The following SLC8A3 variants were observed in gnomAD, a reference collection of about 807,000 sequenced individuals.
SLC8A3 encodes the protein solute carrier family 8 member A3.
A neutral mutation model predicts 65.4 loss-of-function variants in SLC8A3; 37 were observed. That is an observed-to-expected ratio of 0.57 (90% CI 0.44 to 0.74). The LOEUF (loss-of-function observed/expected upper bound fraction) is 0.74. Among genes scored for constraint, SLC8A3 ranks in the 30% least tolerant of loss-of-function variants. SLC8A3 has a pLI of 0.00. For missense variants in SLC8A3, 1,112 were observed against 1,172.1 expected, an observed-to-expected ratio of 0.95 and a Z score of 0.75; for synonymous variants, 461 against 444.5, an observed-to-expected ratio of 1.04 and a Z score of -0.47.
chr14:70,088,134 T>A (rs370423297), intron 2 of SLC8A3, among the ~76,000 whole-genome samples: 2 of 152,300 alleles, frequency 1.3e-5, no homozygotes, highest in South Asian at 2.1e-4. Context: ...TTATGAATAC[T>A]GAGGCACTGA....
chr14:70,143,639 C>A (rs1594752720), intron 2 of SLC8A3, among the ~76,000 whole-genome samples: 2 of 152,258 alleles, frequency 1.3e-5, no homozygotes, highest in East Asian at 3.9e-4. Context: ...CCGGGTAATT[C>A]TCGGGAGAAG....
At chr14:70,050,960 A>T (rs1426981226) in intron 5 of SLC8A3, 48 bp downstream of exon 5, 3 of 1,236,312 alleles carry the variant, frequency 2.4e-6, no homozygotes, top group Non-Finnish European at 3.6e-6. Context: ...CTTCCTTCTC[A>T]GAGGTTGCCT....
At chr14:70,173,285 A>G (rs1163601451) in intron 1 of SLC8A3, among the ~76,000 whole-genome samples, 4 of 152,194 alleles carry the variant, frequency 2.6e-5, no homozygotes, top group African/African-American at 4.8e-5. Context: ...ACAGACAAGC[A>G]TGGTGGGCCT....
At chr14:70,128,055 A>G (rs1338642057) in intron 2 of SLC8A3, among the ~76,000 whole-genome samples, 2 of 152,186 alleles carry the variant, frequency 1.3e-5, no homozygotes, top group Non-Finnish European at 2.9e-5. Context: ...GGCCCCCAAA[A>G]CCTTACAAAC....
chr14:70,137,277 C>T (rs11847946), intron 2 of SLC8A3, among the ~76,000 whole-genome samples: 5,792 of 152,000 alleles, frequency 0.038, 365 homozygotes, highest in African/African-American at 0.13. Context: ...CCTGGCCTCC[C>T]GAGCAGCTGG....
intron 3 of SLC8A3, among the ~76,000 whole-genome samples, chr14:70,056,968 A>G (rs140040317): frequency 1.3e-5 from 2 of 152,280 alleles, no homozygotes; most frequent in African/African-American, 4.8e-5. Flanking sequence ...TCTCAGATAA[A>G]GGTCTGGGAA....
chr14:70,074,273 G>T (rs999693702), intron 2 of SLC8A3, among the ~76,000 whole-genome samples: 3 of 152,206 alleles, frequency 2.0e-5, no homozygotes, highest in Admixed American at 2.0e-4. Context: ...GTGAGAATTC[G>T]AGATGACCTG....
At chr14:70,115,572 C>A (rs1005257988) in intron 2 of SLC8A3, among the ~76,000 whole-genome samples, 2 of 152,130 alleles carry the variant, frequency 1.3e-5, no homozygotes, top group African/African-American at 4.8e-5. Context: ...ATATCAGGTG[C>A]TCTTATTACT....
At chr14:70,129,624 A>T (rs1030960959) in intron 2 of SLC8A3, among the ~76,000 whole-genome samples, 1 of 152,190 alleles carries the variant, frequency 6.6e-6, no homozygotes, top group African/African-American at 2.4e-5. Context: ...GATAAATCAG[A>T]TATGTTCCCT....
At chr14:70,106,473 A>T (rs1892880780) in intron 2 of SLC8A3, among the ~76,000 whole-genome samples, 1 of 152,150 alleles carries the variant, frequency 6.6e-6, no homozygotes, top group South Asian at 2.1e-4. Flanking sequence ...ATGAGTAATT[A>T]TCTCATACAA....
At chr14:70,070,545 T>C (rs1249015619) in intron 2 of SLC8A3, among the ~76,000 whole-genome samples, 1 of 152,184 alleles carries the variant, frequency 6.6e-6, no homozygotes, top group African/African-American at 2.4e-5. Flanking sequence ...AGATGTCTCC[T>C]GGAGGAAATG....
intron 2 of SLC8A3, among the ~76,000 whole-genome samples, chr14:70,062,406 C>A (rs141854059): frequency 3.9e-4 from 60 of 152,224 alleles, no homozygotes; most frequent in Non-Finnish European, 6.2e-4. Flanking sequence ...CTATATACTA[C>A]GATATTTTTA....
chr14:70,170,061 C>A (rs1031493928), intron 1 of SLC8A3, among the ~76,000 whole-genome samples: 14 of 152,144 alleles, frequency 9.2e-5, no homozygotes, highest in Admixed American at 7.2e-4. Flanking sequence ...CTCACTAGTT[C>A]TCAATTCCAC....
chr14:70,096,129 G>A (rs954556878), intron 2 of SLC8A3, among the ~76,000 whole-genome samples: 2 of 152,110 alleles, frequency 1.3e-5, no homozygotes, highest in Non-Finnish European at 2.9e-5. Flanking sequence ...TGATCCACCT[G>A]CTTTGGGCTC....
At chr14:70,075,567 G>A (rs1471979265) in intron 2 of SLC8A3, among the ~76,000 whole-genome samples, 3 of 151,992 alleles carry the variant, frequency 2.0e-5, no homozygotes, top group Non-Finnish European at 2.9e-5. Flanking sequence ...ATTTGTCAGC[G>A]TGGTCCCCCT....
intron 1 of SLC8A3, among the ~76,000 whole-genome samples, chr14:70,186,199 G>T (rs1883202406): frequency 6.6e-6 from 1 of 152,198 alleles, no homozygotes; most frequent in South Asian, 2.1e-4. Context: ...GTCACTTCTT[G>T]CTGCCGCCAT....
At chr14:70,168,529 G>C in intron 1 of SLC8A3, 45 bp from the exon 2 acceptor site, 1 of 820,206 alleles carries the variant, frequency 1.2e-6, no homozygotes. Flanking sequence ...GGAAAAAGGG[G>C]ACAGCAAACG....
At chr14:70,137,156 T>A (rs1292391897) in intron 2 of SLC8A3, among the ~76,000 whole-genome samples, 1 of 151,910 alleles carries the variant, frequency 6.6e-6, no homozygotes, top group East Asian at 1.9e-4. Context: ...TATCTTTTTT[T>A]TTTTTTTGAG....
chr14:70,076,930 C>A (rs558922036), intron 2 of SLC8A3, among the ~76,000 whole-genome samples: 9 of 152,266 alleles, frequency 5.9e-5, no homozygotes, highest in Admixed American at 4.6e-4. Flanking sequence ...GGGCTTTTGA[C>A]AAATTACCGA....
Sources: gnomAD v4.1 joint callset for allele counts (sites outside exome capture counted in the v4.1 genomes callset) on GRCh38, gnomAD v4.1.1 for gene constraint, MANE v1.5 for transcripts, NCBI Gene and HGNC (gene_info 2026-07-23, HGNC 2026-07-21) for gene names.